Variants in PDE3A observed in about 807,000 individuals in gnomAD.
The protein encoded by PDE3A is cGMP-inhibited 3',5'-cyclic phosphodiesterase 3A.
PDE3A carries 43 observed loss-of-function variants against 98.3 expected under a neutral mutation model. The ratio of observed to expected loss-of-function variants is 0.44; its 90% confidence interval spans 0.34 to 0.56. The LOEUF (loss-of-function observed/expected upper bound fraction) is 0.56, where lower values mean the gene tolerates loss of function less well. Ranked by LOEUF, PDE3A falls within the 20% of genes least tolerant of loss-of-function variation. The pLI is 0.01. For synonymous variants in PDE3A, 663 were observed against 567.9 expected (o/e 1.17, Z -2.38); for missense variants, 1,427 against 1,440.7 (o/e 0.99, Z 0.15).
intron 15 of PDE3A, among the ~76,000 whole-genome samples, chr12:20,662,276 G>A (rs1468215726): frequency 1.3e-5 from 2 of 152,180 alleles, no homozygotes. Context: ...TGACCAAAAT[G>A]CTGATAGTGA....
rs2121258329 is a variant in PDE3A, at chr12:20,552,840, C to T, written c.961-3820C>T. 1.9e-6 allele frequency: 3 copies of T among 1,613,864 alleles called. No homozygotes were observed. Among genetic ancestry groups the T allele is most frequent in the Non-Finnish European group, 2.5e-6 (3 of 1,179,832 alleles). On this transcript the variant is annotated intron_variant, in intron 1 of 15. Coordinates refer to ENST00000359062, the MANE Select transcript of PDE3A (RefSeq NM_000921.5). This position sits in a 1 kb window ranked among gnomAD's most constrained non-coding sequence, Gnocchi z 5.1. ...AGCTGGTGTTCCGGCCCATCACGAC[C>T]GTGTGCCAGCACAACGTGTGCAAGG...
At chr12:20,443,075 G>A (rs1944895281) in intron 1 of PDE3A, among the ~76,000 whole-genome samples, 1 of 76,672 alleles carries the variant, frequency 1.3e-5, no homozygotes, top group South Asian at 5.4e-4. Flanking sequence ...CTGTATAGGT[G>A]TAAGTATATA....
chr12:20,382,577 G>T (rs1943681094), intron 1 of PDE3A, among the ~76,000 whole-genome samples: 1 of 151,770 alleles, frequency 6.6e-6, no homozygotes, highest in Non-Finnish European at 1.5e-5. Flanking sequence ...TGTTTTAAAG[G>T]CTAAATCAAA....
rs79617433 is a variant in PDE3A, at chr12:20,445,629, A to T, written c.960+75385A>T. ...TCAACTTGAAATTCTTTAAAAGTTA[A>T]CAAAATTTTGGAACGATCAAGGAAC... On this transcript the variant is annotated intron_variant, in intron 1 of 15. Transcript: ENST00000359062. Among the ~76,000 whole-genome samples, 212 of 152,306 alleles carry T rather than the reference A, an allele frequency of 1.4e-3. 3 individuals carry two copies. The East Asian group carries it at 0.033, about 23-fold the overall frequency.
At chr12:20,372,665 T>C (rs992295361) in intron 1 of PDE3A, among the ~76,000 whole-genome samples, 2 of 152,194 alleles carry the variant, frequency 1.3e-5, no homozygotes, top group Non-Finnish European at 2.9e-5. Context: ...TTGCATACTT[T>C]GTGAAGTCAA....
chr12:20,579,455 T>C (rs150844837), intron 2 of PDE3A, among the ~76,000 whole-genome samples: 144 of 152,266 alleles, frequency 9.5e-4, no homozygotes, highest in African/African-American at 3.4e-3. Flanking sequence ...TTGTCTCTTA[T>C]ACCTTGTCAA....
intron 15 of PDE3A, among the ~76,000 whole-genome samples, chr12:20,657,244 T>C (rs1178142341): frequency 6.6e-6 from 1 of 152,180 alleles, no homozygotes; most frequent in Non-Finnish European, 1.5e-5. Context: ...TCACTTTACA[T>C]ATATTAAACT....
chr12:20,416,956 T>C (rs981822439), intron 1 of PDE3A, among the ~76,000 whole-genome samples: 3 of 152,178 alleles, frequency 2.0e-5, no homozygotes, highest in Non-Finnish European at 4.4e-5. Flanking sequence ...TTCTTATAAA[T>C]TTATCCTATT....
At chr12:20,429,357 T>C (rs1944656258) in intron 1 of PDE3A, among the ~76,000 whole-genome samples, 1 of 152,240 alleles carries the variant, frequency 6.6e-6, no homozygotes, top group African/African-American at 2.4e-5. Flanking sequence ...GACTGTGTTT[T>C]CTTATTATTA....
At chr12:20,565,060 A>T (rs1942621470) in intron 2 of PDE3A, among the ~76,000 whole-genome samples, 1 of 152,104 alleles carries the variant, frequency 6.6e-6, no homozygotes, top group Admixed American at 6.5e-5. Flanking sequence ...AATACCTATT[A>T]CTTTAAGCCA....
At chr12:20,449,495 A>G (rs1276700462) in intron 1 of PDE3A, among the ~76,000 whole-genome samples, 1 of 152,130 alleles carries the variant, frequency 6.6e-6, no homozygotes, top group African/African-American at 2.4e-5. Context: ...ACTTTTGATT[A>G]AGAAAACTGT....
At chr12:20,450,017 G>T in intron 1 of PDE3A, 1 of 667,356 alleles carries the variant, frequency 1.5e-6, no homozygotes. Flanking sequence ...CCATCTACCT[G>T]GAAGTTACGG....
At chr12:20,591,259 A>T (rs952706598) in intron 2 of PDE3A, among the ~76,000 whole-genome samples, 5 of 152,218 alleles carry the variant, frequency 3.3e-5, no homozygotes, top group African/African-American at 1.2e-4. Context: ...TATATTTCAT[A>T]TGTTGGGCAG....
intron 2 of PDE3A, 80 bp downstream of exon 2, chr12:20,556,790 A>G: frequency 9.8e-7 from 1 of 1,016,776 alleles, no homozygotes; most frequent in Non-Finnish European, 1.6e-6. Flanking sequence ...TCAAGAGATA[A>G]TAAAATGTGG....
intron 3 of PDE3A, among the ~76,000 whole-genome samples, chr12:20,615,016 C>CTT (rs11313010): frequency 0.011 from 672 of 59,008 alleles, 22 homozygotes; most frequent in African/African-American, 0.034. Context: ...TTCTCTCTTT[C>CTT]TTTTTTTTTT....
chr12:20,378,283 C>T (rs953553913), intron 1 of PDE3A, among the ~76,000 whole-genome samples: 4 of 151,632 alleles, frequency 2.6e-5, no homozygotes, highest in Admixed American at 1.3e-4. Flanking sequence ...ATGTCATGTC[C>T]TCTCCATCAC....
chr12:20,462,248 T>A (rs1265215064), intron 1 of PDE3A, among the ~76,000 whole-genome samples: 2 of 152,156 alleles, frequency 1.3e-5, no homozygotes, highest in Non-Finnish European at 2.9e-5. Flanking sequence ...CCCAGCACTT[T>A]GGGAGGCTAA....
At chr12:20,503,778 TTAGAATTTATAAACCACCC>T (rs1236103646) in intron 1 of PDE3A, among the ~76,000 whole-genome samples, 1 of 152,142 alleles carries the variant, frequency 6.6e-6, no homozygotes, top group Non-Finnish European at 1.5e-5. Context: ...TTCATATTCT[TTAGAATTTATAAACCACCC>T]TAGAATTTAT....
In PDE3A at chr12:20,379,694, A is replaced by T. The variant is rs151309038; in HGVS notation, c.960+9450A>T. ...CCATTCTCCTGAGGTTGAGGTAGTG[A>T]CTAAGTTGATTTAAGGAAATTTCTA... On this transcript the variant is annotated intron_variant, in intron 1 of 15. Coordinates refer to ENST00000359062, the MANE Select transcript of PDE3A (RefSeq NM_000921.5). 2.0e-5 allele frequency among the ~76,000 whole-genome samples: 3 copies of T among 151,954 alleles called. No homozygotes were observed. In the East Asian group the frequency reaches 5.8e-4, roughly 29 times the overall value.
Sources: gnomAD v4.1 joint callset for allele counts (sites outside exome capture counted in the v4.1 genomes callset) on GRCh38, gnomAD v4.1.1 for gene constraint, Gnocchi (gnomAD v3.1) non-coding constraint, MANE v1.5 for transcripts, NCBI Gene and HGNC (gene_info 2026-07-23, HGNC 2026-07-21) for gene names.